The following PCDH11Y variants were observed in gnomAD, a reference collection of about 807,000 sequenced individuals.
The protein encoded by PCDH11Y is protocadherin 11 Y-linked.
For missense variants in PCDH11Y, 12 were observed against 224.8 expected, an observed-to-expected ratio of 0.05 and a Z score of 6.05; for synonymous variants, 9 against 83.6, an observed-to-expected ratio of 0.11 and a Z score of 4.87.
chrY:5,386,062 C>G, intron 2 of PCDH11Y, among the ~76,000 whole-genome samples: 5 of 33,221 alleles, frequency 1.5e-4, no homozygotes, highest in Non-Finnish European at 3.0e-4. Flanking sequence ...GTGGCAAATT[C>G]TCTCAGCATT....
intron 2 of PCDH11Y, among the ~76,000 whole-genome samples, chrY:5,496,629 T>G (rs2053345044): frequency 6.2e-5 from 2 of 32,155 alleles, no homozygotes; most frequent in African/African-American, 2.4e-4. Flanking sequence ...TCCTTAAAAC[T>G]GTAGATAAAT....
chrY:5,309,022 G>A, intron 2 of PCDH11Y, among the ~76,000 whole-genome samples: 1 of 30,647 alleles, frequency 3.3e-5, no homozygotes, highest in African/African-American at 1.3e-4. Flanking sequence ...AGAGGTTGCG[G>A]TGAGCCAAGA....
chrY:5,068,915 A>G, intron 1 of PCDH11Y, among the ~76,000 whole-genome samples: 1 of 32,392 alleles, frequency 3.1e-5, no homozygotes, highest in African/African-American at 1.2e-4. Flanking sequence ...AATATTTAAA[A>G]CCCCAAATTT....
chrY:5,361,572 T>C (rs2053174367), intron 2 of PCDH11Y, among the ~76,000 whole-genome samples: 56 of 26,899 alleles, frequency 2.1e-3, no homozygotes, highest in Non-Finnish European at 4.0e-3. Flanking sequence ...TTTTTTTTTT[T>C]CTTGAGACAG....
At chrY:5,383,368 C>T (rs2053207150) in intron 2 of PCDH11Y, among the ~76,000 whole-genome samples, 1 of 30,434 alleles carries the variant, frequency 3.3e-5, no homozygotes, top group Non-Finnish European at 7.8e-5. Context: ...CGTGGTGGTG[C>T]GTGCCTGTAA....
chrY:5,465,421 C>T, intron 2 of PCDH11Y, among the ~76,000 whole-genome samples: 1 of 32,376 alleles, frequency 3.1e-5, no homozygotes, highest in African/African-American at 1.2e-4. Context: ...AGGAATGACT[C>T]AGAGTAGGTT....
chrY:5,172,882 G>A, intron 2 of PCDH11Y, among the ~76,000 whole-genome samples: 4 of 32,661 alleles, frequency 1.2e-4, no homozygotes, highest in Non-Finnish European at 3.0e-4. Flanking sequence ...AAATACTGTC[G>A]CTTCTGAATA....
chrY:5,718,167 C>T, intron 4 of PCDH11Y, among the ~76,000 whole-genome samples: 1 of 32,722 alleles, frequency 3.1e-5, no homozygotes, highest in African/African-American at 1.2e-4. Flanking sequence ...TGGATAATAC[C>T]TAATATTTGA....
intron 2 of PCDH11Y, chrY:5,338,437 G>A: frequency 5.2e-6 from 2 of 387,342 alleles, no homozygotes; most frequent in Non-Finnish European, 7.2e-6. Flanking sequence ...CAAACATCTT[G>A]ATGTATTTGG....
intron 4 of PCDH11Y, among the ~76,000 whole-genome samples, chrY:5,642,472 C>G: frequency 3.1e-5 from 1 of 32,773 alleles, no homozygotes; most frequent in Non-Finnish European, 7.5e-5. Context: ...ACTCAGCCCA[C>G]TGGCTTCTTT....
chrY:5,584,551 C>G (rs2053453405), intron 4 of PCDH11Y, among the ~76,000 whole-genome samples: 1 of 29,994 alleles, frequency 3.3e-5, no homozygotes, highest in South Asian at 7.7e-4. Flanking sequence ...CCCTCTGGTC[C>G]TCAGCTATTT....
intron 4 of PCDH11Y, among the ~76,000 whole-genome samples, chrY:5,644,560 G>A (rs2053525321): frequency 5.9e-5 from 2 of 33,683 alleles, no homozygotes; most frequent in African/African-American, 2.3e-4. Context: ...TTGTCTGGGT[G>A]CAGTGGCTTA....
chrY:5,597,341 A>ATATATATACG (rs1602948356), intron 4 of PCDH11Y, among the ~76,000 whole-genome samples: 4 of 28,068 alleles, frequency 1.4e-4, no homozygotes, highest in South Asian at 1.5e-3. Flanking sequence ...ATATATACGT[A>ATATATATACG]TATATATGTG....
chrY:5,444,482 C>T, intron 2 of PCDH11Y, among the ~76,000 whole-genome samples: 1 of 32,769 alleles, frequency 3.1e-5, no homozygotes, highest in Non-Finnish European at 7.6e-5. Context: ...CACATTAAAA[C>T]GTGCACATTA....
chrY:5,335,694 T>C, intron 2 of PCDH11Y, among the ~76,000 whole-genome samples: 1 of 25,789 alleles, frequency 3.9e-5, no homozygotes, highest in Non-Finnish European at 8.8e-5. Context: ...GTAAGCTCTG[T>C]ATTAGCCTTA....
chrY:5,670,233 C>G, intron 4 of PCDH11Y, among the ~76,000 whole-genome samples: 4 of 33,023 alleles, frequency 1.2e-4, no homozygotes, highest in African/African-American at 4.7e-4. Flanking sequence ...AGGTTGCTTA[C>G]AAATCTTAGC....
intron 2 of PCDH11Y, among the ~76,000 whole-genome samples, chrY:5,177,385 A>T: frequency 3.0e-5 from 1 of 33,632 alleles, no homozygotes; most frequent in Non-Finnish European, 7.4e-5. Flanking sequence ...TACATCGAAG[A>T]GATATCTGTA....
chrY:5,467,073 T>A, intron 2 of PCDH11Y, among the ~76,000 whole-genome samples: 1 of 32,530 alleles, frequency 3.1e-5, no homozygotes, highest in Non-Finnish European at 7.6e-5. Context: ...AAACATACAT[T>A]TATCAGTTTT....
intron 1 of PCDH11Y, among the ~76,000 whole-genome samples, chrY:5,089,214 A>G: frequency 6.1e-5 from 2 of 32,976 alleles, no homozygotes; most frequent in African/African-American, 2.4e-4. Flanking sequence ...AAAGAAGAAT[A>G]TGCATTTTAG....
Sources: allele counts gnomAD v4.1 joint callset (sites outside exome capture counted in the v4.1 genomes callset), GRCh38; gene constraint gnomAD v4.1.1; transcripts MANE v1.5; gene names NCBI Gene and HGNC (gene_info 2026-07-23, HGNC 2026-07-21).